CDH12: variants seen among roughly 807,000 people sequenced by gnomAD.
CDH12 encodes cadherin-12.
In CDH12, 41 loss-of-function variants were observed where a neutral mutation model predicts 74.1. The observed-to-expected ratio is 0.55, with a 90% CI of 0.43 to 0.72. The LOEUF (loss-of-function observed/expected upper bound fraction) is 0.72, where lower values mean the gene tolerates loss of function less well. Among genes scored for constraint, CDH12 ranks in the 30% least tolerant of loss-of-function variants. The pLI, the probability that CDH12 is intolerant of heterozygous loss-of-function variation, is 0.00. For synonymous variants in CDH12, 399 were observed against 355.0 expected (o/e 1.12, Z -1.39); for missense variants, 945 against 977.2 (o/e 0.97, Z 0.44).
intron 1 of CDH12, among the ~76,000 whole-genome samples, chr5:22,557,995 C>T (rs1210272422): frequency 6.6e-6 from 1 of 152,002 alleles, no homozygotes; most frequent in African/African-American, 2.4e-5. Context: ...TTTATTTCCT[C>T]TCATTGCTTA....
chr5:21,911,749 G>A (rs1266919952), intron 6 of CDH12, among the ~76,000 whole-genome samples: 3 of 152,044 alleles, frequency 2.0e-5, no homozygotes, highest in Admixed American at 6.6e-5. Context: ...TGAAAAATGG[G>A]AGTCAAATTA....
At chr5:22,002,402 C>T (rs577854297) in intron 5 of CDH12, among the ~76,000 whole-genome samples, 1 of 152,116 alleles carries the variant, frequency 6.6e-6, no homozygotes, top group East Asian at 1.9e-4. Flanking sequence ...TTGCATAAAA[C>T]TGCTATAAAG....
intron 3 of CDH12, among the ~76,000 whole-genome samples, chr5:22,309,483 G>T (rs969553711): frequency 1.3e-5 from 2 of 152,068 alleles, no homozygotes; most frequent in African/African-American, 4.8e-5. Context: ...ATAAATTAAT[G>T]ATGTAGAACA....
chr5:21,751,682 T>G lies in CDH12; in HGVS notation c.*55A>C. ...AGATTTCTATTAATATTTGTGTTTC[T>G]TTTTCTTTTTTAAAAATCTCCCCTC... On this transcript the variant is annotated 3_prime_UTR_variant, in exon 15 of 15. Coordinates refer to ENST00000382254, the MANE Select transcript of CDH12 (RefSeq NM_004061.5). The G allele has an allele frequency of 6.9e-7, 1 of 1,455,920 alleles. No individual in the cohort carries two copies. The highest frequency in any genetic ancestry group is 9.3e-7 in the Non-Finnish European group (1 of 1,073,508). The allele number at this position is 1,455,920 out of a possible 1,614,324, so 90.2% of individuals were successfully genotyped here.
chr5:22,313,738 A>G (rs1380430773), intron 3 of CDH12, among the ~76,000 whole-genome samples: 4 of 152,316 alleles, frequency 2.6e-5, no homozygotes, highest in African/African-American at 7.2e-5. Context: ...TGGAAAACCA[A>G]AAACCGTATG....
intron 7 of CDH12, among the ~76,000 whole-genome samples, chr5:21,847,450 G>A (rs922759016): frequency 1.3e-5 from 2 of 151,996 alleles, no homozygotes; most frequent in African/African-American, 4.8e-5. Flanking sequence ...CAAGGGGCAG[G>A]GCATGGGTAG....
chr5:22,819,023 T>TGACC lies in CDH12; in HGVS notation c.-523+34031_-523+34034dup, dbSNP rs547141464. On this transcript the variant is annotated intron_variant, in intron 1 of 14. Coordinates refer to ENST00000382254, the MANE Select transcript of CDH12 (RefSeq NM_004061.5). ...AGTATGGTAGTTCAGGAACACTGAC[T>TGACC]GACCCACTTAATAAAAATAAATTTA... Among the ~76,000 whole-genome samples, 396 of 152,242 alleles carry TGACC rather than the reference T, an allele frequency of 2.6e-3. 1 individual carries two copies. The highest frequency in any genetic ancestry group is 9.2e-3 in the African/African-American group (381 of 41,566).
At chr5:22,362,459 A>T (rs1287274297) in intron 3 of CDH12, among the ~76,000 whole-genome samples, 1 of 152,178 alleles carries the variant, frequency 6.6e-6, no homozygotes, top group East Asian at 1.9e-4. Flanking sequence ...GTGGAGAAAT[A>T]GGAACACTTT....
intron 2 of CDH12, among the ~76,000 whole-genome samples, chr5:22,449,704 C>A (rs1744968130): frequency 6.6e-6 from 1 of 151,926 alleles, no homozygotes; most frequent in Non-Finnish European, 1.5e-5. Flanking sequence ...TCAGAAATAT[C>A]AGAACGGTTA....
chr5:22,078,742 A>T lies in CDH12; in HGVS notation c.-66T>A. 6.4e-7 allele frequency: 1 copy of T among 1,571,110 alleles called. No individual in the cohort carries two copies. Reference sequence around the variant, plus strand: ...CACTTAACGTAGAATTGTGGAATCCAGGTTTGAGGTGTCTGTGGCCTCCAC... The same window carrying T: ...CACTTAACGTAGAATTGTGGAATCCTGGTTTGAGGTGTCTGTGGCCTCCAC... On this transcript the variant is annotated 5_prime_UTR_variant, in exon 5 of 15. Coordinates refer to ENST00000382254, the MANE Select transcript of CDH12 (RefSeq NM_004061.5).
intron 1 of CDH12, among the ~76,000 whole-genome samples, chr5:22,767,074 T>C (rs7702313): frequency 0.48 from 72,486 of 151,714 alleles, 17,441 homozygotes; most frequent in East Asian, 0.56. Flanking sequence ...TTGCATGTAT[T>C]TGACTATGAT....
chr5:22,191,305 C>T lies in CDH12; in HGVS notation c.-187+21193G>A, dbSNP rs993804228. Among the ~76,000 whole-genome samples the T allele has an allele frequency of 9.9e-5, 15 of 152,114 alleles. 1 individual carries two copies. Among genetic ancestry groups the T allele is most frequent in the Admixed American group, 5.2e-4 (8 of 15,278 alleles). ...TTACACTCTCTTAAAGCCTCCTTCT[C>T]ATTTCACTCTTAGCGCTTTCCTCAC... On this transcript the variant is annotated intron_variant, in intron 4 of 14. Coordinates refer to ENST00000382254, the MANE Select transcript of CDH12 (RefSeq NM_004061.5).
intron 1 of CDH12, among the ~76,000 whole-genome samples, chr5:22,694,009 A>T (rs946766767): frequency 6.6e-6 from 1 of 152,108 alleles, no homozygotes; most frequent in African/African-American, 2.4e-5. Flanking sequence ...GTGTGTTCAT[A>T]GCTCATTGCA....
At chr5:22,198,614 A>C (rs1750755775) in intron 4 of CDH12, among the ~76,000 whole-genome samples, 1 of 152,018 alleles carries the variant, frequency 6.6e-6, no homozygotes. Context: ...GACCTATGAA[A>C]ACTCTACTTT....
At chr5:22,451,906 A>T (rs1745058751) in intron 2 of CDH12, among the ~76,000 whole-genome samples, 1 of 151,954 alleles carries the variant, frequency 6.6e-6, no homozygotes, top group Non-Finnish European at 1.5e-5. Flanking sequence ...AACATATAAA[A>T]ATCAATAGAA....
At chr5:22,765,756 C>A (rs942589528) in intron 1 of CDH12, among the ~76,000 whole-genome samples, 1 of 151,472 alleles carries the variant, frequency 6.6e-6, no homozygotes, top group African/African-American at 2.4e-5. Context: ...AGTAAATTTA[C>A]AAAATTTAGA....
chr5:22,479,576 T>G (rs910781200), intron 2 of CDH12, among the ~76,000 whole-genome samples: 1 of 152,178 alleles, frequency 6.6e-6, no homozygotes, highest in African/African-American at 2.4e-5. Context: ...CTTGAATAGA[T>G]ATGCTGGATA....
chr5:22,725,617 A>T (rs1744127265), intron 1 of CDH12, among the ~76,000 whole-genome samples: 1 of 151,548 alleles, frequency 6.6e-6, no homozygotes, highest in South Asian at 2.1e-4. Flanking sequence ...ATATAAGGAC[A>T]CTAATCTCAC....
chr5:22,683,828 G>C lies in CDH12; in HGVS notation c.-523+169230C>G, dbSNP rs900970666. On this transcript the variant is annotated intron_variant, in intron 1 of 14. Coordinates refer to ENST00000382254, the MANE Select transcript of CDH12 (RefSeq NM_004061.5). ...ATTGTCCATGCTGTCCAAGCTCCAGGGATTTCATCTTCACCTGAAATGAGG... is the reference window on the plus strand; with the variant it reads ...ATTGTCCATGCTGTCCAAGCTCCAGCGATTTCATCTTCACCTGAAATGAGG... Among the ~76,000 whole-genome samples the C allele has an allele frequency of 7.9e-5, 12 of 152,254 alleles. No homozygotes were observed. In the East Asian group the frequency reaches 2.3e-3, roughly 29 times the overall value.
Sources: allele counts gnomAD v4.1 joint callset (sites outside exome capture counted in the v4.1 genomes callset), GRCh38; gene constraint gnomAD v4.1.1; transcripts MANE v1.5; gene names NCBI Gene and HGNC (gene_info 2026-07-23, HGNC 2026-07-21).